The following HEATR9 variants were observed in gnomAD, a reference collection of about 807,000 sequenced individuals.
The protein encoded by HEATR9 is HEAT repeat containing 9.
HEATR9 carries 54 observed loss-of-function variants against 68.2 expected under a neutral mutation model. The observed-to-expected ratio is 0.79, with a 90% CI of 0.64 to 0.99. The LOEUF is 0.99. Among genes scored for constraint, HEATR9 ranks in the 50% least tolerant of loss-of-function variants. The pLI, the probability that HEATR9 is intolerant of heterozygous loss-of-function variation, is 0.00. For synonymous variants in HEATR9, 241 were observed against 253.5 expected (o/e 0.95, Z 0.47); for missense variants, 662 against 679.7 (o/e 0.97, Z 0.29).
rs749831872 is a variant in HEATR9 at position 35,868,800 on chromosome 17, G to A, written c.-58C>T. 9 of 1,498,596 alleles carry A rather than the reference G, an allele frequency of 6.0e-6. No individual in the cohort carries two copies. Among genetic ancestry groups the A allele is most frequent in the Non-Finnish European group, 8.3e-6 (9 of 1,078,164 alleles). 92.8% of individuals were successfully genotyped at this position (1,498,596 alleles called of 1,614,324 possible). On this transcript the variant is annotated 5_prime_UTR_variant, in exon 1 of 15. Coordinates refer to ENST00000604834, the MANE Select transcript of HEATR9 (RefSeq NM_152781.4). ...CAGGGGGGAATACAAGGCTTTTAGG[G>A]GAGTGGGGGCACAGCTGGAGGAGAC...
At chr17:35,860,479 TTTTA>T (rs772329265) in intron 8 of HEATR9, among the ~76,000 whole-genome samples, 62 of 94,124 alleles carry the variant, frequency 6.6e-4, no homozygotes, top group Admixed American at 9.4e-4. Flanking sequence ...TATTTATTTA[TTTTA>T]TTTATTTATT....
Position 35,855,270 on chromosome 17 carries a change from G to T in HEATR9, c.1506C>A (p.Asn502Lys), listed in dbSNP as rs2087730861. ...AGTCTTGAATAGTTAACTCTTCTGG[G>T]TTCTCAGGCTCTTTCTGGAACCTTG... ...EPTRFQKEPE[N>K]PEELTIQDFR... Residue 502 changes from asparagine to lysine, a missense_variant, in exon 15 of 15, where the codon AAC becomes AAA. Transcript: ENST00000604834. 6.2e-7 allele frequency: 1 copy of T among 1,614,204 alleles called. No homozygotes were observed. Among genetic ancestry groups the T allele is most frequent in the Non-Finnish European group, 8.5e-7 (1 of 1,180,036 alleles).
chr17:35,863,317 C>T (rs1015216467), intron 7 of HEATR9, among the ~76,000 whole-genome samples, 185 bp downstream of exon 7: 3 of 152,212 alleles, frequency 2.0e-5, no homozygotes, highest in Admixed American at 2.0e-4. Flanking sequence ...CCCTCTCCCT[C>T]TTTCTAATCT....
At position 35,866,749 on chromosome 17, in the gene HEATR9, A is replaced by G; in HGVS notation, c.113T>C (p.Val38Ala). Residue 38 changes from valine (V) to alanine (A), a missense_variant, in exon 2 of 15, where the codon GTT becomes GCT. By Grantham distance (64) the Val-to-Ala change is moderately conservative. Transcript: ENST00000604834. ...TKELRKAMAP[V>A]HLPLSCYQMP... ...CTGGTAGCAGGACAAGGGCAGATGA[A>G]CAGGAGCCATGGCTTTTCTGAGTTC... is the stretch of plus-strand genomic sequence containing the variant. 1 of 1,614,122 alleles carries G rather than the reference A, an allele frequency of 6.2e-7. No individual in the cohort carries two copies. The highest frequency in any genetic ancestry group is 8.5e-7 in the Non-Finnish European group (1 of 1,179,972).
chr17:35,868,683 T>TG lies in HEATR9; in HGVS notation c.59dup (p.Trp21MetfsTer58), dbSNP rs761276368. On this transcript the variant is annotated frameshift_variant, in exon 1 of 15. Coordinates refer to ENST00000604834, the MANE Select transcript of HEATR9 (RefSeq NM_152781.4). LOFTEE classifies it high-confidence loss of function. ...TGGTCTTGTCTGGATATTCCAGCCA[T>TG]GGGTACAGGAACATTGACCTGGAGA... 6.2e-7 allele frequency: 1 copy of TG among 1,614,120 alleles called. No individual in the cohort carries two copies. The highest frequency in any genetic ancestry group is 2.2e-5 in the East Asian group (1 of 44,886).
At chr17:35,860,449 TTTTTATTTATTTATTTATTTATTTATTTA>T (rs2087942244) in intron 8 of HEATR9, among the ~76,000 whole-genome samples, 2 of 134,466 alleles carry the variant, frequency 1.5e-5, no homozygotes, top group Non-Finnish European at 1.5e-5. Flanking sequence ...AAAGTCCTTA[TTTTTATTTATTTATTTATTTATTTATTTA>T]TTTTATTTAT....
chr17:35,864,795 T>A lies in HEATR9; in HGVS notation c.416A>T (p.Glu139Val), dbSNP rs1371851074. 3 of 1,614,042 alleles carry A rather than the reference T, an allele frequency of 1.9e-6. No individual in the cohort carries two copies. The highest frequency in any genetic ancestry group is 1.7e-5 in the Admixed American group (1 of 59,998). Residue 139 changes from glutamate to valine, a missense_variant, in exon 4 of 15, where the codon GAG (glutamate) becomes GTG (valine). Physicochemically the swap from Glu to Val is moderately radical, Grantham distance 121 (BLOSUM62 -2). Coordinates refer to ENST00000604834, the MANE Select transcript of HEATR9 (RefSeq NM_152781.4). ...IKSEMRSRPL[E>V]PTQDPLKWQR... ...CCACTTCAGGGGGTCCTGGGTAGGCTCTAAGGGCCTGGATCGCATCTCAGA... is the reference window on the plus strand; with the variant it reads ...CCACTTCAGGGGGTCCTGGGTAGGCACTAAGGGCCTGGATCGCATCTCAGA...
rs2087846323 is a variant in HEATR9 at position 35,858,242 on chromosome 17, T to C, written c.1110A>G (p.Thr370=). The C allele has an allele frequency of 6.2e-7, 1 of 1,614,180 alleles. No homozygotes were observed. Among genetic ancestry groups the C allele is most frequent in the Non-Finnish European group, 8.5e-7 (1 of 1,180,024 alleles). Residue 370 remains threonine, a synonymous_variant, in exon 11 of 15, where the codon ACA becomes ACG. Transcript: ENST00000604834. ...GCGTCTTCCTCCTGAGCAGGTTAAA[T>C]GTGAGTTCCTCTAGCCCCTGTGCCT... ...QIQAQGLEEL[T]FNLLRRKTHN...
intron 8 of HEATR9, among the ~76,000 whole-genome samples, 170 bp from the exon 9 acceptor site, chr17:35,859,240 TTCTCTATAAC>T (rs2087889601): frequency 6.6e-6 from 1 of 152,194 alleles, no homozygotes; most frequent in South Asian, 2.1e-4. Context: ...CAGATCTCAT[TTCTCTATAAC>T]TATCTCATGG....
intron 1 of HEATR9, 66 bp downstream of exon 1, chr17:35,868,589 G>C: frequency 1.9e-6 from 3 of 1,608,238 alleles, no homozygotes; most frequent in Non-Finnish European, 2.5e-6. Flanking sequence ...CTGGGAGTGA[G>C]AGCCAGGTAG....
chr17:35,867,455 AAG>A, intron 1 of HEATR9, among the ~76,000 whole-genome samples: 1 of 149,586 alleles, frequency 6.7e-6, no homozygotes, highest in African/African-American at 2.5e-5. Context: ...AAAAAAAAAA[AAG>A]AGATAGCAGT....
At chr17:35,864,579 A>G in intron 4 of HEATR9, 26 bp from the exon 5 acceptor site, 1 of 1,605,242 alleles carries the variant, frequency 6.2e-7, no homozygotes, top group Non-Finnish European at 8.5e-7. Flanking sequence ...AGCCAGTGGA[A>G]AGGAAGACAG....
In HEATR9 at chr17:35,856,775, CCA is replaced by C. The variant is rs768060241; in HGVS notation, c.1181_1182del (p.Val394GlyfsTer73). ...ATCGTAGGCTTCAACTTGAGCTCTT[CCA>C]CAGTTTGAGCCACAGCCTGCCTCAC... Reference protein sequence around the residue: ...LAVRQAVAQTVEELKLKPTMM... With the variant: ...LAVRQAVAQTXEELKLKPTMM... On this transcript the variant is annotated frameshift_variant, in exon 12 of 15. Coordinates refer to ENST00000604834, the MANE Select transcript of HEATR9 (RefSeq NM_152781.4). LOFTEE classifies it high-confidence loss of function. 3 of 1,606,360 alleles carry C rather than the reference CCA, an allele frequency of 1.9e-6. No individual in the cohort carries two copies. Among genetic ancestry groups the C allele is most frequent in the African/African-American group, 1.3e-5 (1 of 74,838 alleles).
intron 8 of HEATR9, among the ~76,000 whole-genome samples, chr17:35,860,658 T>A (rs2143923082): frequency 6.6e-6 from 1 of 150,914 alleles, no homozygotes; most frequent in African/African-American, 2.4e-5. Flanking sequence ...CCCAGCTAAT[T>A]TTTTGTATTT....
chr17:35,866,621 T>G, intron 2 of HEATR9, 103 bp downstream of exon 2: 9 of 1,094,358 alleles, frequency 8.2e-6, no homozygotes, highest in Non-Finnish European at 1.4e-6. Flanking sequence ...GCCCCAGGGG[T>G]AAATGTCAGG....
intron 11 of HEATR9, among the ~76,000 whole-genome samples, 176 bp from the exon 12 acceptor site, chr17:35,856,981 G>A (rs1164755297): frequency 9.3e-6 from 1 of 107,816 alleles, no homozygotes; most frequent in African/African-American, 3.7e-5. Flanking sequence ...TACTGTGTAG[G>A]GGTACACATA....
Position 35,862,855 on chromosome 17 carries a change from C to G in HEATR9, c.756+140G>C, listed in dbSNP as rs546653795. ...CCAAGCCATATGCTTCTATTCAACT[C>G]CCGAGGGAACTCCTCAAGGACAGTG... is the stretch of plus-strand genomic sequence containing the variant. On this transcript the variant is annotated intron_variant, in intron 8 of 14. Transcript: ENST00000604834. 51 of 1,240,664 alleles carry G rather than the reference C, an allele frequency of 4.1e-5. No individual in the cohort carries two copies. In the South Asian group the frequency reaches 7.3e-4, roughly 18 times the overall value. The allele number at this position is 1,240,664 out of a possible 1,614,324, so 76.9% of individuals were successfully genotyped here. A position where few individuals can be genotyped will look rare whatever the true frequency, so the allele number is the denominator to read the frequency against.
intron 9 of HEATR9, 94 bp downstream of exon 9, chr17:35,858,794 A>T: frequency 7.4e-7 from 1 of 1,353,652 alleles, no homozygotes; most frequent in Non-Finnish European, 1.0e-6. Flanking sequence ...AGGATCCTGC[A>T]GTGCTCCACC....
At chr17:35,866,832 G>A in intron 1 of HEATR9, 59 bp from the exon 2 acceptor site, 1 of 1,543,884 alleles carries the variant, frequency 6.5e-7, no homozygotes, top group East Asian at 2.2e-5. Flanking sequence ...TGCAGGCCAG[G>A]CTTGGTGGCT....
Sources: gnomAD v4.1 joint callset for allele counts (sites outside exome capture counted in the v4.1 genomes callset) on GRCh38, gnomAD v4.1.1 for gene constraint, MANE v1.5 for transcripts, NCBI Gene and HGNC (gene_info 2026-07-23, HGNC 2026-07-21) for gene names.